ADH1C: variants seen among roughly 807,000 people sequenced by gnomAD.
ADH1C encodes the protein alcohol dehydrogenase 1C (class I), gamma polypeptide.
ADH1C carries 26 observed loss-of-function variants against 35.0 expected under a neutral mutation model. The observed-to-expected ratio is 0.74, with a 90% CI of 0.54 to 1.03. The LOEUF (loss-of-function observed/expected upper bound fraction) is 1.03, where lower values mean the gene tolerates loss of function less well. Among genes scored for constraint, ADH1C ranks in the 50% least tolerant of loss-of-function variants. The probability of loss-of-function intolerance (pLI) is 0.00; values close to 1 mark genes in which losing one functional copy is unlikely to be tolerated. For missense variants in ADH1C, 413 were observed against 465.4 expected (o/e 0.89, Z 1.04); for synonymous variants, 170 against 169.3 (o/e 1.00, Z -0.03).
chr4:99,343,086 AAAT>A (rs768891523), intron 5 of ADH1C, 31 bp from the exon 6 acceptor site: 4 of 1,604,934 alleles, frequency 2.5e-6, no homozygotes, highest in African/African-American at 1.3e-5. Context: ...AAAATGAATT[AAAT>A]AATGTTTGTT....
At chr4:99,340,800 A>G (rs1734398209) in intron 6 of ADH1C, 90 bp from the exon 7 acceptor site, 1 of 1,555,062 alleles carries the variant, frequency 6.4e-7, no homozygotes, top group African/African-American at 1.4e-5. Flanking sequence ...GCTTAGCTGG[A>G]TTGTGAGTGT....
intron 1 of ADH1C, among the ~76,000 whole-genome samples, chr4:99,349,482 C>T (rs1734624048): frequency 6.6e-6 from 1 of 152,108 alleles, no homozygotes; most frequent in African/African-American, 2.4e-5. Context: ...TTCTAAGTCA[C>T]CTTTACTTTG....
At position 99,336,613 on chromosome 4, in the gene ADH1C, T is replaced by G; in HGVS notation, c.*139A>C. On this transcript the variant is annotated 3_prime_UTR_variant, in exon 9 of 9. Transcript: ENST00000515683. ...CAAATAATTTCCCATCAATTTCCAT[T>G]TCTTTGGAAAGCTCCCACGTGTAAT... 4.7e-6 allele frequency: 5 copies of G among 1,060,824 alleles called. No homozygotes were observed. Among genetic ancestry groups the G allele is most frequent in the Non-Finnish European group, 6.9e-6 (5 of 721,178 alleles). 65.7% of individuals were successfully genotyped at this position (1,060,824 alleles called of 1,614,324 possible).
chr4:99,352,019 T>C (rs1734689648), intron 1 of ADH1C, among the ~76,000 whole-genome samples: 1 of 152,216 alleles, frequency 6.6e-6, no homozygotes, highest in Admixed American at 6.5e-5. Flanking sequence ...TACTGTTCCA[T>C]AAGATTTCTG....
At chr4:99,340,915 G>A (rs1257920730) in intron 6 of ADH1C, among the ~76,000 whole-genome samples, 1 of 152,182 alleles carries the variant, frequency 6.6e-6, no homozygotes, top group Non-Finnish European at 1.5e-5. Context: ...TTGAATGAAA[G>A]CATGGACGAA....
rs773817097 is a variant in ADH1C, at chr4:99,347,892, G to A, written c.19-46C>T. 7 of 1,604,454 alleles carry A rather than the reference G, an allele frequency of 4.4e-6. 1 individual carries two copies. The East Asian group carries it at 1.3e-4, about 31-fold the overall frequency. On this transcript the variant is annotated intron_variant, in intron 1 of 8. Transcript: ENST00000515683. The stretch of plus-strand genomic sequence containing the variant: ...ATGGTACCAGTGTTTTCCCACGCTT[G>A]CAGTCAGAAATTGTGTCTTTTCATC...
Position 99,336,611 on chromosome 4 carries a change from A to G in ADH1C, c.*141T>C. On this transcript the variant is annotated 3_prime_UTR_variant, in exon 9 of 9. Transcript: ENST00000515683. ...GACAAATAATTTCCCATCAATTTCC[A>G]TTTCTTTGGAAAGCTCCCACGTGTA... is the stretch of plus-strand genomic sequence containing the variant. 9.6e-7 allele frequency: 1 copy of G among 1,046,458 alleles called. No homozygotes were observed. Among genetic ancestry groups the G allele is most frequent in the Non-Finnish European group, 1.4e-6 (1 of 708,700 alleles). 64.8% of individuals were successfully genotyped at this position (1,046,458 alleles called of 1,614,324 possible).
intron 7 of ADH1C, 130 bp from the exon 8 acceptor site, chr4:99,339,845 G>T: frequency 1.2e-6 from 1 of 851,644 alleles, no homozygotes; most frequent in East Asian, 2.7e-5. Context: ...AGGATAATAA[G>T]AGATAGAGTA....
rs1734390174 is a variant in ADH1C at position 99,340,604 on chromosome 4, C to T, written c.935G>A (p.Gly312Glu). The T allele has an allele frequency of 1.9e-6, 3 of 1,614,116 alleles. No individual in the cohort carries two copies. Among genetic ancestry groups the T allele is most frequent in the African/African-American group, 1.3e-5 (1 of 75,048 alleles). The change falls in exon 7 of 9, where the codon GGA (glycine) becomes GAA (glutamate). Residue 312 changes from glycine (G) to glutamate (E), a missense_variant. By Grantham distance (98) the Gly-to-Glu change is moderately conservative. Transcript: ENST00000515683. ...AAAAATAGCTCCTTTCCACGTGCGT[C>T]CAGTCAGTAGCAGCATAGGGTTTAT... ...LSINPMLLLT[G>E]RTWKGAIFGG...
In ADH1C at chr4:99,347,852, A is replaced by G; in HGVS notation, c.19-6T>C. The stretch of plus-strand genomic sequence containing the variant: ...GCTGCTTTGCATTTGATTACCTAGA[A>G]CATCAGACAGAGAGATGGTACCAGT... On this transcript the variant is annotated splice_region_variant and splice_polypyrimidine_tract_variant and intron_variant, in intron 1 of 8. Coordinates refer to ENST00000515683, the MANE Select transcript of ADH1C (RefSeq NM_000669.5). The G allele has an allele frequency of 6.2e-7, 1 of 1,613,420 alleles. No homozygotes were observed. Among genetic ancestry groups the G allele is most frequent in the Non-Finnish European group, 8.5e-7 (1 of 1,179,586 alleles).
In ADH1C at chr4:99,338,393, T is replaced by TATATATA. The variant is rs1734325858; in HGVS notation, c.1103+1183_1103+1184insTATATAT. On this transcript the variant is annotated intron_variant, in intron 8 of 8. Coordinates refer to ENST00000515683, the MANE Select transcript of ADH1C (RefSeq NM_000669.5). ...TAATTAACCTTTGATGAATACTGTT[T>TATATATA]TCTATATATATATATATATATATAT... Among the ~76,000 whole-genome samples, 16 of 73,098 alleles carry TATATATA rather than the reference T, an allele frequency of 2.2e-4. 4 individuals are homozygous for TATATATA. The East Asian group carries it at 6.6e-3, about 30-fold the overall frequency. The allele number at this position is 73,098 out of a possible 152,430, so 48.0% of individuals were successfully genotyped here.
At position 99,344,975 on chromosome 4, in the gene ADH1C, C is replaced by A; in HGVS notation, c.454G>T (p.Val152Leu). ...VGVSTFSQYTVVDENAVAKID... is the reference protein window; with the variant it reads ...VGVSTFSQYTLVDENAVAKID... ...TTGGCCACTGCATTCTCATCCACCACTGTGTACTGGGAGAAGGTGCTGACG... is the reference window on the plus strand; with the variant it reads ...TTGGCCACTGCATTCTCATCCACCAATGTGTACTGGGAGAAGGTGCTGACG... Residue 152 changes from valine (V) to leucine (L), a missense_variant, in exon 5 of 9, where the codon GTG becomes TTG. Physicochemically the swap from Val to Leu is conservative, Grantham distance 32. Coordinates refer to ENST00000515683, the MANE Select transcript of ADH1C (RefSeq NM_000669.5). 6.2e-7 allele frequency: 1 copy of A among 1,614,176 alleles called. No homozygotes were observed. Among genetic ancestry groups the A allele is most frequent in the Non-Finnish European group, 8.5e-7 (1 of 1,180,028 alleles).
At chr4:99,345,568 G>C (rs1479260456) in intron 3 of ADH1C, among the ~76,000 whole-genome samples, 1 of 152,208 alleles carries the variant, frequency 6.6e-6, no homozygotes. Context: ...TGGAGGCTTT[G>C]CAGATATAAT....
chr4:99,347,272 T>G, intron 2 of ADH1C, 128 bp from the exon 3 acceptor site: 2 of 1,137,748 alleles, frequency 1.8e-6, no homozygotes, highest in South Asian at 3.3e-5. Context: ...ATCCCTACTA[T>G]TCCCAAATAT....
Position 99,343,044 on chromosome 4 carries a change from C to G in ADH1C, c.579G>C (p.Gly193=), listed in dbSNP as rs754312357. 10 of 1,611,580 alleles carry G rather than the reference C, an allele frequency of 6.2e-6. No homozygotes were observed. Among genetic ancestry groups the G allele is most frequent in the South Asian group, 4.4e-5 (4 of 90,522 alleles). ...CCAGGCCAAACACAGCACAGGTAGA[C>G]CCTGGGGTGACCTATGTTTTCAGAA... ...SAVKVAKVTP[G]STCAVFGLGG... The change falls in exon 6 of 9, where the codon GGG becomes GGC. Residue 193 remains glycine (G), a synonymous_variant. Transcript: ENST00000515683.
chr4:99,340,420 A>G (rs1734385952), intron 7 of ADH1C, among the ~76,000 whole-genome samples, 155 bp downstream of exon 7: 1 of 150,532 alleles, frequency 6.6e-6, no homozygotes, highest in African/African-American at 2.4e-5. Flanking sequence ...TCTCCAAAAA[A>G]TAAAAAAGAA....
chr4:99,340,037 A>G (rs1327614951), intron 7 of ADH1C, among the ~76,000 whole-genome samples: 1 of 152,214 alleles, frequency 6.6e-6, no homozygotes, highest in Non-Finnish European at 1.5e-5. Context: ...TCCATGGCCT[A>G]CTAGAAATTT....
chr4:99,336,859 T>C, intron 8 of ADH1C, 83 bp from the exon 9 acceptor site: 3 of 1,581,064 alleles, frequency 1.9e-6, no homozygotes, highest in African/African-American at 1.3e-5. Context: ...GTATTTGAGG[T>C]GACTTAGTGA....
chr4:99,339,754 G>A (rs1055840544), intron 7 of ADH1C, 39 bp from the exon 8 acceptor site: 4 of 1,560,832 alleles, frequency 2.6e-6, no homozygotes, highest in Non-Finnish European at 3.5e-6. Flanking sequence ...TTCAACCAGG[G>A]TAAGTAGGAG....
Sources: gnomAD v4.1 joint callset for allele counts (sites outside exome capture counted in the v4.1 genomes callset) on GRCh38, gnomAD v4.1.1 for gene constraint, MANE v1.5 for transcripts, NCBI Gene and HGNC (gene_info 2026-07-23, HGNC 2026-07-21) for gene names.